Variants in RIMBP2 observed in about 807,000 individuals in gnomAD.
RIMBP2 encodes the protein RIMS-binding protein 2.
A neutral mutation model predicts 118.6 loss-of-function variants in RIMBP2; 48 were observed. That is an observed-to-expected ratio of 0.40 (90% CI 0.32 to 0.51). The LOEUF (loss-of-function observed/expected upper bound fraction) is 0.51. Among genes scored for constraint, RIMBP2 ranks in the 20% least tolerant of loss-of-function variants. The pLI, the probability that RIMBP2 is intolerant of heterozygous loss-of-function variation, is 0.41. For synonymous variants in RIMBP2, 762 were observed against 742.9 expected, an observed-to-expected ratio of 1.03 and a Z score of -0.42; for missense variants, 1,551 against 1,768.3, an observed-to-expected ratio of 0.88 and a Z score of 2.20.
intron 1 of RIMBP2, among the ~76,000 whole-genome samples, chr12:130,664,465 A>ACACACACATGCACACGCACGCACACATG (rs74195662): frequency 8.2e-6 from 1 of 122,634 alleles, no homozygotes; most frequent in Admixed American, 8.5e-5. Context: ...ATGCACGCAC[A>ACACACACATGCACACGCACGCACACATG]CACACGCACG....
chr12:130,531,884 G>A (rs572265872), intron 2 of RIMBP2, among the ~76,000 whole-genome samples: 26 of 151,684 alleles, frequency 1.7e-4, no homozygotes, highest in African/African-American at 5.8e-4. Flanking sequence ...TACGTCTAAT[G>A]AGATGCGTAT....
chr12:130,418,372 A>G (rs2076222242), intron 17 of RIMBP2, among the ~76,000 whole-genome samples: 1 of 152,208 alleles, frequency 6.6e-6, no homozygotes, highest in Non-Finnish European at 1.5e-5. Flanking sequence ...GTTCAATAGA[A>G]TGTGAAGCGC....
At chr12:130,503,884 T>G (rs2050047859) in intron 4 of RIMBP2, among the ~76,000 whole-genome samples, 1 of 152,212 alleles carries the variant, frequency 6.6e-6, no homozygotes, top group Non-Finnish European at 1.5e-5. Flanking sequence ...TCATATCACT[T>G]CATTATATTT....
At chr12:130,473,219 C>T (rs544518854) in intron 5 of RIMBP2, among the ~76,000 whole-genome samples, 8 of 152,356 alleles carry the variant, frequency 5.3e-5, no homozygotes, top group South Asian at 2.1e-4. Context: ...AAATTGGCAG[C>T]GCTGAATTCT....
At chr12:130,555,621 A>C (rs1373058259) in intron 2 of RIMBP2, among the ~76,000 whole-genome samples, 3 of 152,214 alleles carry the variant, frequency 2.0e-5, no homozygotes, top group African/African-American at 7.2e-5. Context: ...AATGTCTTAA[A>C]ATCTAATAAA....
intron 1 of RIMBP2, chr12:130,658,595 GA>G (rs2063524385): frequency 6.6e-6 from 1 of 152,344 alleles, no homozygotes; most frequent in South Asian, 2.1e-4. Context: ...TGCTTGGTCT[GA>G]AAGCTAAACT....
rs142584313 is a variant in RIMBP2 at position 130,576,285 on chromosome 12, C to T, written c.-217+52037G>A. Among the ~76,000 whole-genome samples, 713 of 152,230 alleles carry T rather than the reference C, an allele frequency of 4.7e-3. 4 individuals are homozygous for T. The highest frequency in any genetic ancestry group is 0.014 in the Middle Eastern group (4 of 294). On this transcript the variant is annotated intron_variant, in intron 2 of 22. Coordinates refer to ENST00000690449, the MANE Select transcript of RIMBP2 (RefSeq NM_001393629.1). The surrounding 1 kb of genome is among the most constrained non-coding windows in gnomAD (Gnocchi z 4.2). Reference sequence around the variant, plus strand: ...CCAAAGCAAAAACTACAAACAGGAACGGAGAGTTTCATGACCATAGACATG... The same window carrying T: ...CCAAAGCAAAAACTACAAACAGGAATGGAGAGTTTCATGACCATAGACATG...
At chr12:130,426,371 C>G (rs1253309761) in intron 15 of RIMBP2, 1 of 152,102 alleles carries the variant, frequency 6.6e-6, no homozygotes. Flanking sequence ...CTTCTGCCTC[C>G]CAGGTTCAAG....
chr12:130,451,416 C>T (rs1159516954), intron 7 of RIMBP2, 76 bp from the exon 8 acceptor site: 1 of 1,461,656 alleles, frequency 6.8e-7, no homozygotes, highest in African/African-American at 1.4e-5. Context: ...ATGCGCCTAC[C>T]CGGGGTGCCT....
At chr12:130,613,894 GGC>G (rs1243357032) in intron 2 of RIMBP2, among the ~76,000 whole-genome samples, 4 of 151,668 alleles carry the variant, frequency 2.6e-5, no homozygotes, top group African/African-American at 4.9e-5. Context: ...CTGGGATGCA[GGC>G]ACAATGCCAG....
chr12:130,440,770 G>C (rs1327176905), intron 11 of RIMBP2, among the ~76,000 whole-genome samples: 1 of 152,228 alleles, frequency 6.6e-6, no homozygotes. Flanking sequence ...CTACCTGGAC[G>C]TGCTGTCCCC....
Position 130,442,099 on chromosome 12 carries a change from T to C in RIMBP2, c.1253A>G (p.Asn418Ser), listed in dbSNP as rs1372404626. 1.9e-6 allele frequency: 3 copies of C among 1,613,990 alleles called. No individual in the cohort carries two copies. The highest frequency in any genetic ancestry group is 2.5e-6 in the Non-Finnish European group (3 of 1,180,014). Reference sequence around the variant, plus strand: ...GAGCTGGGCGGAGATCTGCGTGATGTTGTCCACCCGCAGGTGGGAGGGGGC... The same window carrying C: ...GAGCTGGGCGGAGATCTGCGTGATGCTGTCCACCCGCAGGTGGGAGGGGGC... ...VVAPSHLRVD[N>S]ITQISAQLSW... Residue 418 changes from asparagine to serine, a missense_variant, in exon 11 of 23, where the codon AAC becomes AGC. Asn to Ser is a conservative substitution (Grantham distance 46). This residue lies in a region of RIMBP2 where 265 missense variants were observed against 349.5 expected (regional missense o/e 0.76). Transcript: ENST00000690449. This position sits in a 1 kb window ranked among gnomAD's most constrained non-coding sequence, Gnocchi z 6.9.
chr12:130,425,083 C>T, intron 15 of RIMBP2: 1 of 386,542 alleles, frequency 2.6e-6, no homozygotes, highest in Non-Finnish European at 4.6e-6. Flanking sequence ...AGAGCACACG[C>T]AGAGCCAGCG....
At chr12:130,546,843 A>G (rs933965041) in intron 2 of RIMBP2, among the ~76,000 whole-genome samples, 1 of 152,132 alleles carries the variant, frequency 6.6e-6, no homozygotes, top group Non-Finnish European at 1.5e-5. Context: ...GAAAGTCTGG[A>G]TTTCTGACTT....
At chr12:130,506,880 T>C in intron 3 of RIMBP2, 110 bp from the exon 4 acceptor site, 1 of 806,650 alleles carries the variant, frequency 1.2e-6, no homozygotes, top group African/African-American at 1.9e-5. Context: ...TAGAGAATCC[T>C]TCCCTCCCTC....
Position 130,507,756 on chromosome 12 carries a change from C to T in RIMBP2, c.-126-986G>A, listed in dbSNP as rs568826564. Reference sequence around the variant, plus strand: ...GTGGAGGCAACATGTTTTAACCCAACGGCAGCCTTGTAATTTCTTTTCCTC... The same window carrying T: ...GTGGAGGCAACATGTTTTAACCCAATGGCAGCCTTGTAATTTCTTTTCCTC... On this transcript the variant is annotated intron_variant, in intron 3 of 22. Transcript: ENST00000690449. 2.0e-3 allele frequency among the ~76,000 whole-genome samples: 312 copies of T among 152,366 alleles called. 1 individual carries two copies. The highest frequency in any genetic ancestry group is 7.3e-3 in the African/African-American group (302 of 41,580).
intron 1 of RIMBP2, among the ~76,000 whole-genome samples, chr12:130,632,029 T>A (rs971772655): frequency 6.6e-6 from 1 of 152,216 alleles, no homozygotes; most frequent in Non-Finnish European, 1.5e-5. Flanking sequence ...CAAATAGTTA[T>A]CACATAAAAA....
chr12:130,516,773 A>C (rs2051508242), intron 3 of RIMBP2, among the ~76,000 whole-genome samples: 1 of 152,134 alleles, frequency 6.6e-6, no homozygotes, highest in Non-Finnish European at 1.5e-5. Flanking sequence ...CCACAGGGAG[A>C]AGCCTCAGTT....
intron 1 of RIMBP2, among the ~76,000 whole-genome samples, chr12:130,652,131 G>C (rs1448287648): frequency 6.6e-6 from 1 of 152,174 alleles, no homozygotes; most frequent in African/African-American, 2.4e-5. Context: ...CTGAAGCTAT[G>C]TATTTTCCTT....
Sources: gnomAD v4.1 joint callset for allele counts (sites outside exome capture counted in the v4.1 genomes callset) on GRCh38, gnomAD v4.1.1 for gene constraint, gnomAD v4.1.1 regional missense constraint, Gnocchi (gnomAD v3.1) non-coding constraint, MANE v1.5 for transcripts, NCBI Gene and HGNC (gene_info 2026-07-23, HGNC 2026-07-21) for gene names.